The following ZNF804A variants were observed in gnomAD, a reference collection of about 807,000 sequenced individuals.
The protein encoded by ZNF804A is zinc finger protein 804A.
Under a neutral mutation model 16.5 loss-of-function variants are expected in ZNF804A, and 2 were observed. That is an observed-to-expected ratio of 0.12 (90% confidence interval 0.05 to 0.38). ZNF804A has a LOEUF of 0.38. Ranked by LOEUF, ZNF804A falls within the 10% of genes least tolerant of loss-of-function variation. The pLI is 0.99. For missense variants in ZNF804A, 1,473 were observed against 1,390.7 expected (o/e 1.06, Z -0.94); for synonymous variants, 534 against 489.6 (o/e 1.09, Z -1.20).
At chr2:184,630,898 A>G (rs1449263936) in intron 1 of ZNF804A, among the ~76,000 whole-genome samples, 1 of 152,162 alleles carries the variant, frequency 6.6e-6, no homozygotes, top group South Asian at 2.1e-4. Flanking sequence ...TTTATTGCTA[A>G]AATTGATTAA....
At chr2:184,718,123 G>C (rs901648537) in intron 1 of ZNF804A, among the ~76,000 whole-genome samples, 1 of 152,180 alleles carries the variant, frequency 6.6e-6, no homozygotes, top group Non-Finnish European at 1.5e-5. Context: ...AATCATGGTG[G>C]ATGGCAAAAG....
intron 1 of ZNF804A, among the ~76,000 whole-genome samples, chr2:184,815,839 A>G (rs1364880980): frequency 6.6e-6 from 1 of 151,996 alleles, no homozygotes; most frequent in East Asian, 1.9e-4. Flanking sequence ...TGAGGAAATG[A>G]TATCTGGAGT....
At chr2:184,901,029 G>T (rs1198861451) in intron 2 of ZNF804A, among the ~76,000 whole-genome samples, 2 of 152,046 alleles carry the variant, frequency 1.3e-5, no homozygotes, top group Non-Finnish European at 2.9e-5. Flanking sequence ...CATTTTGTTT[G>T]CAGGGGCATT....
rs139011494 is a variant in ZNF804A at position 184,688,665 on chromosome 2, A to G, written c.111+89595A>G. Among the ~76,000 whole-genome samples, 25 of 152,276 alleles carry G rather than the reference A, an allele frequency of 1.6e-4. No individual in the cohort carries two copies. In the East Asian group the frequency reaches 4.2e-3, roughly 26 times the overall value. Reference sequence around the variant, plus strand: ...TTTACTTGACAAGGGATATAAAACTATATTTGATTTCTTGAAAAGCTTTTT... The same window carrying G: ...TTTACTTGACAAGGGATATAAAACTGTATTTGATTTCTTGAAAAGCTTTTT... On this transcript the variant is annotated intron_variant, in intron 1 of 3. Transcript: ENST00000302277.
At chr2:184,712,715 T>C (rs1693148950) in intron 1 of ZNF804A, among the ~76,000 whole-genome samples, 1 of 151,736 alleles carries the variant, frequency 6.6e-6, no homozygotes, top group Non-Finnish European at 1.5e-5. Flanking sequence ...CTCCTATTCA[T>C]TCTTTTATTC....
At chr2:184,815,333 C>G (rs540079831) in intron 1 of ZNF804A, among the ~76,000 whole-genome samples, 1 of 151,908 alleles carries the variant, frequency 6.6e-6, no homozygotes, top group Admixed American at 6.6e-5. Context: ...AAATAAAGCC[C>G]TCACTTGGAG....
Position 184,938,144 on chromosome 2 carries a change from A to G in ZNF804A, c.2748A>G (p.Thr916=). 1 of 1,614,134 alleles carries G rather than the reference A, an allele frequency of 6.2e-7. No homozygotes were observed. Among genetic ancestry groups the G allele is most frequent in the Non-Finnish European group, 8.5e-7 (1 of 1,180,024 alleles). Residue 916 remains threonine, a synonymous_variant, in exon 4 of 4, where the codon ACA becomes ACG. Transcript: ENST00000302277. ...CAGATGTTTCCAATGATCCCACCAC[A>G]TCTGTCTGTGTAGCTAGTGCCCCAA... ...ELSDVSNDPT[T]SVCVASAPTK... is the part of the protein sequence containing the mutation.
At chr2:184,633,631 T>C (rs1021333569) in intron 1 of ZNF804A, among the ~76,000 whole-genome samples, 1 of 152,212 alleles carries the variant, frequency 6.6e-6, no homozygotes, top group Non-Finnish European at 1.5e-5. Context: ...CTTAACATCC[T>C]GATAAAATAT....
intron 1 of ZNF804A, among the ~76,000 whole-genome samples, chr2:184,759,948 A>G (rs1469302384): frequency 6.6e-6 from 1 of 152,084 alleles, no homozygotes; most frequent in African/African-American, 2.4e-5. Context: ...ACCTGCACCC[A>G]GGTGAAATAA....
At chr2:184,632,555 C>T (rs902887285) in intron 1 of ZNF804A, among the ~76,000 whole-genome samples, 4 of 152,098 alleles carry the variant, frequency 2.6e-5, no homozygotes, top group Admixed American at 6.6e-5. Flanking sequence ...GCCACCACGC[C>T]TGGCTAATTT....
intron 1 of ZNF804A, among the ~76,000 whole-genome samples, chr2:184,678,594 C>T (rs967431797): frequency 2.6e-5 from 4 of 152,112 alleles, no homozygotes; most frequent in Admixed American, 2.0e-4. Context: ...GAATAGTCAA[C>T]AGAGATACAG....
intron 2 of ZNF804A, among the ~76,000 whole-genome samples, chr2:184,890,773 G>A: frequency 6.6e-6 from 1 of 150,756 alleles, no homozygotes; most frequent in East Asian, 1.9e-4. Context: ...AAAAATTGAT[G>A]TTTGATATAA....
chr2:184,710,356 A>G (rs892382385), intron 1 of ZNF804A, among the ~76,000 whole-genome samples: 2 of 151,656 alleles, frequency 1.3e-5, no homozygotes, highest in African/African-American at 2.4e-5. Flanking sequence ...ATTTACTTTC[A>G]TTCACTGTTG....
At chr2:184,716,450 C>G (rs1442179966) in intron 1 of ZNF804A, among the ~76,000 whole-genome samples, 2 of 151,870 alleles carry the variant, frequency 1.3e-5, no homozygotes, top group Non-Finnish European at 2.9e-5. Flanking sequence ...GTAAAAATTG[C>G]AATTGGCGAA....
At chr2:184,628,168 A>G (rs1691536782) in intron 1 of ZNF804A, among the ~76,000 whole-genome samples, 2 of 151,970 alleles carry the variant, frequency 1.3e-5, no homozygotes, top group African/African-American at 2.4e-5. Flanking sequence ...TAAAAAATTA[A>G]CCGGGCATGG....
rs774116592 is a variant in ZNF804A, at chr2:184,782,836, T to TA, written c.112-83527dup. 2.0e-4 allele frequency among the ~76,000 whole-genome samples: 30 copies of TA among 149,648 alleles called. No homozygotes were observed. In the East Asian group the frequency reaches 5.6e-3, roughly 28 times the overall value. ...TAGTCTCTGAAGTTTAGAATAAGCATAAAAAATTGATTTATATTGACAACA... is the reference window on the plus strand; with the variant it reads ...TAGTCTCTGAAGTTTAGAATAAGCATAAAAAAATTGATTTATATTGACAACA... On this transcript the variant is annotated intron_variant, in intron 1 of 3. Transcript: ENST00000302277.
chr2:184,811,205 A>G (rs547878929), intron 1 of ZNF804A, among the ~76,000 whole-genome samples: 13 of 152,312 alleles, frequency 8.5e-5, no homozygotes, highest in Admixed American at 3.9e-4. Flanking sequence ...CCCATCAGGT[A>G]TATAGCATCA....
At chr2:184,714,264 C>CT (rs1255924194) in intron 1 of ZNF804A, among the ~76,000 whole-genome samples, 3 of 152,032 alleles carry the variant, frequency 2.0e-5, no homozygotes, top group African/African-American at 7.2e-5. Context: ...CTTACTCCCT[C>CT]TGACAATCCC....
chr2:184,734,203 G>A (rs1693572886), intron 1 of ZNF804A, among the ~76,000 whole-genome samples: 1 of 151,994 alleles, frequency 6.6e-6, no homozygotes, highest in African/African-American at 2.4e-5. Context: ...CAGTAACTAG[G>A]ACTACAGGCA....
Sources: allele counts gnomAD v4.1 joint callset (sites outside exome capture counted in the v4.1 genomes callset), GRCh38; gene constraint gnomAD v4.1.1; transcripts MANE v1.5; gene names NCBI Gene and HGNC (gene_info 2026-07-23, HGNC 2026-07-21).